UBASH3B: variants seen among roughly 807,000 people sequenced by gnomAD.
The protein encoded by UBASH3B is ubiquitin associated and SH3 domain containing B, also known as ubiquitin-associated and SH3 domain-containing protein B.
In UBASH3B, 37 loss-of-function variants were observed where a neutral mutation model predicts 83.4. The ratio of observed to expected loss-of-function variants is 0.44; its 90% CI spans 0.34 to 0.58. The LOEUF is 0.58. Among genes scored for constraint, UBASH3B ranks in the 20% least tolerant of loss-of-function variants. UBASH3B has a pLI of 0.01. For synonymous variants in UBASH3B, 304 were observed against 318.3 expected, an observed-to-expected ratio of 0.96 and a Z score of 0.48; for missense variants, 657 against 827.2, an observed-to-expected ratio of 0.79 and a Z score of 2.52.
rs1438987516 is a variant in UBASH3B, at chr11:122,789,290, G to A, written c.962G>A (p.Ser321Asn). 2 of 1,614,184 alleles carry A rather than the reference G, an allele frequency of 1.2e-6. No homozygotes were observed. Among genetic ancestry groups the A allele is most frequent in the Admixed American group, 1.7e-5 (1 of 60,024 alleles). ...TACATTACCAAGGCTGATGAATGCA[G>A]CACCTGGATATTTCATGGGTAAGCA... ...ENYITKADEC[S>N]TWIFHGSYSI... The change falls in exon 6 of 14, where the codon AGC (serine) becomes AAC (asparagine). Residue 321 changes from serine (S) to asparagine (N), a missense_variant. Coordinates refer to ENST00000284273, the MANE Select transcript of UBASH3B (RefSeq NM_032873.5).
At chr11:122,796,373 T>C in intron 8 of UBASH3B, 97 bp downstream of exon 8, 1 of 1,530,516 alleles carries the variant, frequency 6.5e-7, no homozygotes, top group Non-Finnish European at 8.8e-7. Flanking sequence ...TCATTCATAG[T>C]TTTGCGTACT....
intron 1 of UBASH3B, among the ~76,000 whole-genome samples, chr11:122,666,262 T>C (rs1179777812): frequency 2.0e-5 from 3 of 152,276 alleles, no homozygotes; most frequent in Admixed American, 6.5e-5. Context: ...GTTCGCTCCC[T>C]AAGTGTTTAT....
Position 122,670,107 on chromosome 11 carries a change from A to G in UBASH3B, c.161+13897A>G, listed in dbSNP as rs550071814. On this transcript the variant is annotated intron_variant, in intron 1 of 13. Transcript: ENST00000284273. ...ATGCAGTGGGGTTGGCTGTCTAGTGATGTGGTCTGGAGTTGGAATGGTTAT... is the reference window on the plus strand; with the variant it reads ...ATGCAGTGGGGTTGGCTGTCTAGTGGTGTGGTCTGGAGTTGGAATGGTTAT... Among the ~76,000 whole-genome samples the G allele has an allele frequency of 2.4e-3, 361 of 152,038 alleles. 3 individuals carry two copies. The highest frequency in any genetic ancestry group is 0.015 in the South Asian group (73 of 4,818).
intron 1 of UBASH3B, among the ~76,000 whole-genome samples, chr11:122,722,984 C>T (rs1441223653): frequency 3.3e-5 from 5 of 152,156 alleles, no homozygotes; most frequent in Non-Finnish European, 7.4e-5. Flanking sequence ...GGATTACAGG[C>T]GTGAGCCACC....
chr11:122,665,108 G>A (rs868726931), intron 1 of UBASH3B, among the ~76,000 whole-genome samples: 6 of 152,110 alleles, frequency 3.9e-5, no homozygotes, highest in Admixed American at 6.5e-5. Flanking sequence ...GGGTTTCACC[G>A]TGTTAGCCAG....
chr11:122,722,405 T>C (rs1860653787), intron 1 of UBASH3B, among the ~76,000 whole-genome samples: 1 of 152,212 alleles, frequency 6.6e-6, no homozygotes, highest in African/African-American at 2.4e-5. Context: ...ACTTGCAACA[T>C]CTTTTTTCTG....
At chr11:122,684,787 G>A (rs1242361348) in intron 1 of UBASH3B, among the ~76,000 whole-genome samples, 5 of 152,046 alleles carry the variant, frequency 3.3e-5, no homozygotes, top group Non-Finnish European at 7.4e-5. Flanking sequence ...TAGTAGAGAC[G>A]GGATTTCTCC....
chr11:122,798,871 C>A, intron 9 of UBASH3B, 71 bp from the exon 10 acceptor site: 1 of 1,322,162 alleles, frequency 7.6e-7, no homozygotes, highest in Non-Finnish European at 1.1e-6. Flanking sequence ...GCTTGGCCCC[C>A]TCTCACACTG....
chr11:122,710,899 T>C (rs1864182442), intron 1 of UBASH3B, among the ~76,000 whole-genome samples: 1 of 152,152 alleles, frequency 6.6e-6, no homozygotes. Flanking sequence ...CATGGGAACA[T>C]AAAGGCATAT....
intron 11 of UBASH3B, among the ~76,000 whole-genome samples, chr11:122,802,603 T>C (rs1295592509): frequency 6.6e-6 from 1 of 152,184 alleles, no homozygotes; most frequent in East Asian, 1.9e-4. Flanking sequence ...TCTTTTTCCA[T>C]ACTCATTTTT....
intron 1 of UBASH3B, among the ~76,000 whole-genome samples, chr11:122,687,602 G>A (rs1268867895): frequency 1.3e-5 from 2 of 152,150 alleles, no homozygotes; most frequent in Non-Finnish European, 2.9e-5. Context: ...TCTACTATGT[G>A]TTTTGTATGC....
At position 122,777,045 on chromosome 11, in the gene UBASH3B, C is replaced by T. The variant is rs1164956262; in HGVS notation, c.237C>T (p.Asp79=). The T allele has an allele frequency of 6.2e-7, 1 of 1,611,688 alleles. No homozygotes were observed. Among genetic ancestry groups the T allele is most frequent in the South Asian group, 1.1e-5 (1 of 90,766 alleles). ...ACAGGTTATTCTCCCATGTCGGTGA[C>T]CCCTTCCTGGATGACCCCCTGCCCC... is the stretch of plus-strand genomic sequence containing the variant. The part of the protein sequence containing the change: ...ACDWLFSHVG[D]PFLDDPLPRE... Residue 79 remains aspartate, a synonymous_variant, in exon 3 of 14, where the codon GAC becomes GAT. Coordinates refer to ENST00000284273, the MANE Select transcript of UBASH3B (RefSeq NM_032873.5).
intron 10 of UBASH3B, 55 bp downstream of exon 10, chr11:122,799,089 C>A: frequency 7.1e-7 from 1 of 1,414,682 alleles, no homozygotes; most frequent in East Asian, 2.3e-5. Flanking sequence ...TTCTAGGCAG[C>A]CCCACACATA....
chr11:122,684,738 C>G (rs1319157097), intron 1 of UBASH3B, among the ~76,000 whole-genome samples: 1 of 152,158 alleles, frequency 6.6e-6, no homozygotes, highest in Admixed American at 6.5e-5. Context: ...GCTGGGATTA[C>G]AGGCATGCAC....
chr11:122,685,954 C>T (rs1434066670), intron 1 of UBASH3B, among the ~76,000 whole-genome samples: 3 of 152,148 alleles, frequency 2.0e-5, no homozygotes, highest in Non-Finnish European at 4.4e-5. Flanking sequence ...GAGGAGAAAA[C>T]TGAGGCTCTG....
chr11:122,803,512 T>A (rs1440311951), intron 11 of UBASH3B, among the ~76,000 whole-genome samples: 1 of 151,998 alleles, frequency 6.6e-6, no homozygotes, highest in Non-Finnish European at 1.5e-5. Flanking sequence ...TATTGAAGCA[T>A]CATCCACAGG....
intron 1 of UBASH3B, among the ~76,000 whole-genome samples, chr11:122,699,520 T>G: frequency 9.6e-6 from 1 of 104,440 alleles, no homozygotes; most frequent in African/African-American, 3.6e-5. Flanking sequence ...TTTCTTTCTC[T>G]TTCTTTCTTT....
chr11:122,704,688 T>A (rs549632457), intron 1 of UBASH3B, among the ~76,000 whole-genome samples: 1 of 152,162 alleles, frequency 6.6e-6, no homozygotes, highest in African/African-American at 2.4e-5. Context: ...TTTTGTACTT[T>A]TAGTAGAGAC....
chr11:122,795,059 C>T (rs973598608), intron 7 of UBASH3B, among the ~76,000 whole-genome samples: 3 of 152,144 alleles, frequency 2.0e-5, no homozygotes, highest in African/African-American at 4.8e-5. Flanking sequence ...TCATAAGGAA[C>T]GTTGTTCCAC....
Sources: allele counts gnomAD v4.1 joint callset (sites outside exome capture counted in the v4.1 genomes callset), GRCh38; gene constraint gnomAD v4.1.1; transcripts MANE v1.5; gene names NCBI Gene and HGNC (gene_info 2026-07-23, HGNC 2026-07-21).